Variants in PCDHGA10 observed in about 807,000 individuals in gnomAD.
PCDHGA10 encodes the protein protocadherin gamma-A10.
A neutral mutation model predicts 59.5 loss-of-function variants in PCDHGA10; 42 were observed. The observed-to-expected ratio is 0.71, with a 90% CI of 0.55 to 0.91. The LOEUF (loss-of-function observed/expected upper bound fraction) is 0.91, where lower values mean the gene tolerates loss of function less well. Among genes scored for constraint, PCDHGA10 ranks in the 40% least tolerant of loss-of-function variants. The pLI is 0.00. For synonymous variants in PCDHGA10, 511 were observed against 517.2 expected, an observed-to-expected ratio of 0.99 and a Z score of 0.16; for missense variants, 1,111 against 1,198.2, an observed-to-expected ratio of 0.93 and a Z score of 1.07.
intron 3 of PCDHGA10, among the ~76,000 whole-genome samples, chr5:141,506,444 C>CA (rs1219684339): frequency 0.017 from 1,570 of 94,842 alleles, 20 homozygotes; most frequent in African/African-American, 0.048. Flanking sequence ...CGCTCTGTCT[C>CA]AAAAAAAAAA....
Position 141,485,813 on chromosome 5 carries a change from G to A in PCDHGA10, c.2437-8994G>A. The A allele has an allele frequency of 1.9e-6, 3 of 1,614,078 alleles. No individual in the cohort carries two copies. Among genetic ancestry groups the A allele is most frequent in the Non-Finnish European group, 2.5e-6 (3 of 1,180,008 alleles). On this transcript the variant is annotated intron_variant, in intron 1 of 3. Coordinates refer to ENST00000398610, the MANE Select transcript of PCDHGA10 (RefSeq NM_018913.3). This position sits in a 1 kb window ranked among gnomAD's most constrained non-coding sequence, Gnocchi z 5.7. ...ATCGGACTACCGCCTGGTGCTGACT[G>A]CTGTCGATGGAGGGAACCCGCCGAG... is the stretch of plus-strand genomic sequence containing the variant.
chr5:141,498,390 T>C (rs2099783500), intron 2 of PCDHGA10, among the ~76,000 whole-genome samples: 1 of 151,982 alleles, frequency 6.6e-6, no homozygotes, highest in Non-Finnish European at 1.5e-5. Context: ...ATCAAGGGAA[T>C]GGCAGGGAGT....
At chr5:141,484,660 T>G in intron 1 of PCDHGA10, among the ~76,000 whole-genome samples, 1 of 151,976 alleles carries the variant, frequency 6.6e-6, no homozygotes, top group Non-Finnish European at 1.5e-5. Flanking sequence ...ACTCTCCCTC[T>G]CAGTGGGCCG....
At position 141,491,067 on chromosome 5, in the gene PCDHGA10, G is replaced by T. The variant is rs752758445; in HGVS notation, c.2437-3740G>T. On this transcript the variant is annotated intron_variant, in intron 1 of 3. Transcript: ENST00000398610. The surrounding 1 kb of genome is among the most constrained non-coding windows in gnomAD (Gnocchi z 6.9). Reference sequence around the variant, plus strand: ...ACAATGCGTGGCTCTCCTACTCACTGTTGCCACAGTCCACAGCCCCAGGAC... The same window carrying T: ...ACAATGCGTGGCTCTCCTACTCACTTTTGCCACAGTCCACAGCCCCAGGAC... 1.2e-6 allele frequency: 2 copies of T among 1,614,200 alleles called. No homozygotes were observed. The highest frequency in any genetic ancestry group is 1.7e-6 in the Non-Finnish European group (2 of 1,180,040).
At chr5:141,502,660 A>T (rs1423714257) in intron 2 of PCDHGA10, among the ~76,000 whole-genome samples, 2 of 152,208 alleles carry the variant, frequency 1.3e-5, no homozygotes, top group African/African-American at 4.8e-5. Flanking sequence ...GCAACCCTTC[A>T]TGCAATTTTA....
intron 1 of PCDHGA10, chr5:141,430,838 G>C (rs866767896): frequency 1.3e-6 from 2 of 1,563,026 alleles, no homozygotes; most frequent in Middle Eastern, 1.7e-4. Context: ...GTGGGAGACC[G>C]GATGCACCCA....
chr5:141,481,676 G>T (rs975849679), intron 1 of PCDHGA10, among the ~76,000 whole-genome samples: 1 of 152,028 alleles, frequency 6.6e-6, no homozygotes, highest in Non-Finnish European at 1.5e-5. Flanking sequence ...AAATCAGGCC[G>T]GGCCTGGTGG....
chr5:141,507,716 C>T (rs567867232), intron 3 of PCDHGA10, among the ~76,000 whole-genome samples: 1 of 152,372 alleles, frequency 6.6e-6, no homozygotes, highest in South Asian at 2.1e-4. Flanking sequence ...CCCAAACCCT[C>T]CAAGCAAGTC....
At chr5:141,417,887 C>T in intron 1 of PCDHGA10, 2 of 1,564,888 alleles carry the variant, frequency 1.3e-6, no homozygotes, top group Non-Finnish European at 1.7e-6. Flanking sequence ...GCAGAGGCGC[C>T]GGGCCGGCCC....
chr5:141,458,694 C>T (rs905547768), intron 1 of PCDHGA10, among the ~76,000 whole-genome samples: 3 of 152,018 alleles, frequency 2.0e-5, no homozygotes, highest in Non-Finnish European at 2.9e-5. Flanking sequence ...CTCAGCCTCC[C>T]GAGTAGCTGG....
In PCDHGA10 at chr5:141,477,191, A is replaced by G; in HGVS notation, c.2437-17616A>G. ...GGAGATCACAGTCACCTCCGTGTACAGCCCAGTACCCGAGGATGCCCCTCT... is the reference window on the plus strand; with the variant it reads ...GGAGATCACAGTCACCTCCGTGTACGGCCCAGTACCCGAGGATGCCCCTCT... On this transcript the variant is annotated intron_variant, in intron 1 of 3. Transcript: ENST00000398610. This position sits in a 1 kb window ranked among gnomAD's most constrained non-coding sequence, Gnocchi z 4.9. 5.0e-6 allele frequency: 8 copies of G among 1,614,210 alleles called. No homozygotes were observed. The highest frequency in any genetic ancestry group is 6.8e-6 in the Non-Finnish European group (8 of 1,180,044).
At chr5:141,422,488 A>G in intron 1 of PCDHGA10, 1 of 1,614,000 alleles carries the variant, frequency 6.2e-7, no homozygotes, top group Non-Finnish European at 8.5e-7. Context: ...GAGCTACAAT[A>G]TAACGTTGAC....
intron 1 of PCDHGA10, among the ~76,000 whole-genome samples, chr5:141,445,793 CAG>C (rs1466260011): frequency 6.6e-6 from 1 of 152,132 alleles, no homozygotes; most frequent in Admixed American, 6.5e-5. Context: ...AGGCTAGAAA[CAG>C]AAAATAAATA....
chr5:141,478,101 T>G, intron 1 of PCDHGA10: 1 of 1,614,018 alleles, frequency 6.2e-7, no homozygotes, highest in Middle Eastern at 1.6e-4. Flanking sequence ...ACTGCTACCC[T>G]CACTGTGTCA....
Position 141,432,377 on chromosome 5 carries a change from C to T in PCDHGA10, c.2436+16766C>T. 3.7e-6 allele frequency: 6 copies of T among 1,614,240 alleles called. No homozygotes were observed. Among genetic ancestry groups the T allele is most frequent in the Non-Finnish European group, 5.1e-6 (6 of 1,180,046 alleles). On this transcript the variant is annotated intron_variant, in intron 1 of 3. Transcript: ENST00000398610. This position sits in a 1 kb window ranked among gnomAD's most constrained non-coding sequence, Gnocchi z 6.0. ...AGTGATGGCGCGGGACAACGGGCAC[C>T]CGCCCCTCAGCAGCAACGTGTCGTT...
chr5:141,421,888 C>T (rs1387624358), intron 1 of PCDHGA10: 5 of 1,613,746 alleles, frequency 3.1e-6, no homozygotes. Flanking sequence ...TGGAGGCGAT[C>T]CCATCCGAAA....
At position 141,485,144 on chromosome 5, in the gene PCDHGA10, G is replaced by A; in HGVS notation, c.2437-9663G>A. 6.4e-7 allele frequency: 1 copy of A among 1,564,192 alleles called. No homozygotes were observed. The highest frequency in any genetic ancestry group is 1.7e-5 in the Admixed American group (1 of 59,326). On this transcript the variant is annotated intron_variant, in intron 1 of 3. Transcript: ENST00000398610. This position sits in a 1 kb window ranked among gnomAD's most constrained non-coding sequence, Gnocchi z 5.7. ...CGGGTCGGCTTCATCCGCGTCTCAG[G>A]AGCAAGTAGAGAATTAGCGGGCGGC...
chr5:141,427,887 C>A (rs759734297), intron 1 of PCDHGA10: 2 of 1,565,908 alleles, frequency 1.3e-6, no homozygotes, highest in Admixed American at 1.7e-5. Flanking sequence ...GGCCCACGAC[C>A]AGGGCTCGCC....
Position 141,485,138 on chromosome 5 carries a change from T to A in PCDHGA10, c.2437-9669T>A, listed in dbSNP as rs374309554. On this transcript the variant is annotated intron_variant, in intron 1 of 3. Coordinates refer to ENST00000398610, the MANE Select transcript of PCDHGA10 (RefSeq NM_018913.3). This position sits in a 1 kb window ranked among gnomAD's most constrained non-coding sequence, Gnocchi z 5.7. ...TTGGGGCGGGTCGGCTTCATCCGCG[T>A]CTCAGGAGCAAGTAGAGAATTAGCG... is the stretch of plus-strand genomic sequence containing the variant. 17 of 1,528,690 alleles carry A rather than the reference T, an allele frequency of 1.1e-5. No individual in the cohort carries two copies. The highest frequency in any genetic ancestry group is 1.3e-5 in the Non-Finnish European group (14 of 1,109,458). 94.7% of individuals were successfully genotyped at this position (1,528,690 alleles called of 1,614,324 possible).
Sources: allele counts gnomAD v4.1 joint callset (sites outside exome capture counted in the v4.1 genomes callset), GRCh38; gene constraint gnomAD v4.1.1; non-coding constraint Gnocchi (gnomAD v3.1); transcripts MANE v1.5; gene names NCBI Gene and HGNC (gene_info 2026-07-23, HGNC 2026-07-21).